CDC73: variants seen among roughly 807,000 people sequenced by gnomAD.
CDC73 encodes parafibromin.
A neutral mutation model predicts 83.7 loss-of-function variants in CDC73; 21 were observed. That is an observed-to-expected ratio of 0.25 (90% confidence interval 0.18 to 0.36). The LOEUF is 0.36. Among genes scored for constraint, CDC73 ranks in the 10% least tolerant of loss-of-function variants. The pLI, the probability that CDC73 is intolerant of heterozygous loss-of-function variation, is 1.00. For missense variants in CDC73, 342 were observed against 653.3 expected, an observed-to-expected ratio of 0.52 and a Z score of 5.19; for synonymous variants, 224 against 212.9, an observed-to-expected ratio of 1.05 and a Z score of -0.45.
chr1:193,166,468 AT>A (rs528512113), intron 10 of CDC73, among the ~76,000 whole-genome samples: 1,857 of 151,968 alleles, frequency 0.012, 18 homozygotes, highest in South Asian at 0.034. Context: ...ATTGCCTTAC[AT>A]TTTTTAGTCT....
intron 15 of CDC73, among the ~76,000 whole-genome samples, chr1:193,244,635 T>G (rs1466254762): frequency 1.3e-5 from 2 of 152,200 alleles, no homozygotes; most frequent in Non-Finnish European, 2.9e-5. Context: ...CATAGGACAT[T>G]CCATGCTTGC....
rs34458896 is a variant in CDC73, at chr1:193,200,064, C to CA, written c.973-3717dup. Among the ~76,000 whole-genome samples, 738 of 138,944 alleles carry CA rather than the reference C, an allele frequency of 5.3e-3. 5 individuals carry two copies. The highest frequency in any genetic ancestry group is 0.016 in the African/African-American group (609 of 37,676). The allele number at this position is 138,944 out of a possible 152,430, so 91.2% of individuals were successfully genotyped here. A position where few individuals can be genotyped will look rare whatever the true frequency, so the allele number is the denominator to read the frequency against. Reference sequence around the variant, plus strand: ...CAACATGGCGAAACCCTGTCTCCACCAAAAAAAAAAAAAACAAAAAACAAA... The same window carrying CA: ...CAACATGGCGAAACCCTGTCTCCACCAAAAAAAAAAAAAAACAAAAAACAAA... On this transcript the variant is annotated intron_variant, in intron 10 of 16. Transcript: ENST00000367435.
chr1:193,132,709 T>C (rs757526947), intron 3 of CDC73, among the ~76,000 whole-genome samples: 1 of 151,640 alleles, frequency 6.6e-6, no homozygotes, highest in Non-Finnish European at 1.5e-5. Flanking sequence ...AAAATAGTGG[T>C]TTTTTTTGTT....
chr1:193,242,211 G>A (rs866245585), intron 15 of CDC73, among the ~76,000 whole-genome samples: 4 of 151,704 alleles, frequency 2.6e-5, no homozygotes, highest in African/African-American at 7.2e-5. Context: ...CCCTCAAAAT[G>A]GCGCTGTGCT....
chr1:193,186,570 C>G (rs769189374), intron 10 of CDC73: 2 of 152,202 alleles, frequency 1.3e-5, no homozygotes, highest in African/African-American at 2.4e-5. Context: ...ATATGAAATC[C>G]ACGGTTCCTC....
intron 11 of CDC73, 128 bp from the exon 12 acceptor site, chr1:193,211,937 A>C: frequency 1.4e-6 from 1 of 698,606 alleles, no homozygotes; most frequent in East Asian, 2.8e-5. Flanking sequence ...GTTGTAAAAA[A>C]AGTCTTCTGA....
chr1:193,201,663 T>C (rs1258331729), intron 10 of CDC73, among the ~76,000 whole-genome samples: 1 of 152,176 alleles, frequency 6.6e-6, no homozygotes, highest in East Asian at 1.9e-4. Flanking sequence ...ATTATTGGTA[T>C]TTAAAAGGAT....
chr1:193,151,896 G>C (rs1225885592), intron 9 of CDC73, among the ~76,000 whole-genome samples: 1 of 152,104 alleles, frequency 6.6e-6, no homozygotes, highest in Non-Finnish European at 1.5e-5. Flanking sequence ...CAGTGCCACT[G>C]TACTCCAGCC....
chr1:193,129,583 TGAAA>T (rs1675657030), intron 2 of CDC73, among the ~76,000 whole-genome samples: 1 of 151,958 alleles, frequency 6.6e-6, no homozygotes, highest in African/African-American at 2.4e-5. Context: ...CTCGGCTCAC[TGAAA>T]CGCCTGTCTC....
intron 13 of CDC73, among the ~76,000 whole-genome samples, chr1:193,226,345 T>C (rs998844753): frequency 4.6e-5 from 7 of 152,154 alleles, no homozygotes; most frequent in African/African-American, 1.4e-4. Context: ...TGTGTCCTTA[T>C]AGTGAAGAGA....
At chr1:193,123,688 A>G (rs1383498554) in intron 1 of CDC73, among the ~76,000 whole-genome samples, 1 of 151,422 alleles carries the variant, frequency 6.6e-6, no homozygotes, top group African/African-American at 2.4e-5. Context: ...TTTTTTAGAC[A>G]ATGGCTAAGG....
At chr1:193,128,823 A>G (rs1022860905) in intron 2 of CDC73, among the ~76,000 whole-genome samples, 1 of 152,182 alleles carries the variant, frequency 6.6e-6, no homozygotes. Context: ...CAAAGATACT[A>G]AAGGTTCTTG....
intron 6 of CDC73, among the ~76,000 whole-genome samples, chr1:193,140,430 TG>T (rs1675885150): frequency 6.6e-6 from 1 of 152,162 alleles, no homozygotes; most frequent in Admixed American, 6.5e-5. Flanking sequence ...AGACCTCCAG[TG>T]GATGCCTGAA....
At chr1:193,180,204 T>G in intron 10 of CDC73, 1 of 1,204,512 alleles carries the variant, frequency 8.3e-7, no homozygotes. Context: ...GAGTTTTAAC[T>G]AAAACTTGTC....
chr1:193,163,187 G>A (rs562431651), intron 10 of CDC73, among the ~76,000 whole-genome samples: 6 of 151,294 alleles, frequency 4.0e-5, no homozygotes, highest in Admixed American at 3.3e-4. Context: ...GGGTGTGTGT[G>A]TATATTTTTT....
intron 11 of CDC73, among the ~76,000 whole-genome samples, chr1:193,206,938 A>G (rs1677198109): frequency 6.6e-6 from 1 of 152,238 alleles, no homozygotes; most frequent in Non-Finnish European, 1.5e-5. Flanking sequence ...CATTTAGGGA[A>G]TATAACTAAC....
chr1:193,222,760 T>TC (rs1186678370), intron 13 of CDC73, among the ~76,000 whole-genome samples: 3 of 151,364 alleles, frequency 2.0e-5, no homozygotes, highest in African/African-American at 7.3e-5. Flanking sequence ...AATAAGCTTT[T>TC]TTTTTTTTTT....
chr1:193,125,239 T>A (rs1357069912), intron 2 of CDC73, 22 bp downstream of exon 2: 7 of 1,190,126 alleles, frequency 5.9e-6, no homozygotes, highest in Non-Finnish European at 8.2e-6. Flanking sequence ...TCATTTTACT[T>A]ATCTATCTAT....
chr1:193,224,686 G>A (rs574123181), intron 13 of CDC73, among the ~76,000 whole-genome samples: 5 of 152,092 alleles, frequency 3.3e-5, no homozygotes, highest in East Asian at 3.9e-4. Flanking sequence ...ATTCATATAT[G>A]TACATATATG....
Sources: gnomAD v4.1 joint callset for allele counts (sites outside exome capture counted in the v4.1 genomes callset) on GRCh38, gnomAD v4.1.1 for gene constraint, MANE v1.5 for transcripts, NCBI Gene and HGNC (gene_info 2026-07-23, HGNC 2026-07-21) for gene names.